PRELID2: variants seen among roughly 807,000 people sequenced by gnomAD.
PRELID2 encodes PRELI domain-containing protein 2.
PRELID2 carries 25 observed loss-of-function variants against 28.4 expected under a neutral mutation model. That is an observed-to-expected ratio of 0.88 (90% CI 0.64 to 1.23). The LOEUF is 1.23. Among genes scored for constraint, PRELID2 ranks in the 50% most tolerant of loss-of-function variants. PRELID2 has a pLI of 0.00. For synonymous variants in PRELID2, 76 were observed against 71.6 expected, an observed-to-expected ratio of 1.06 and a Z score of -0.31; for missense variants, 201 against 214.4, an observed-to-expected ratio of 0.94 and a Z score of 0.39.
chr5:145,514,623 G>A, intron 1 of PRELID2, among the ~76,000 whole-genome samples: 1 of 152,162 alleles, frequency 6.6e-6, no homozygotes, highest in South Asian at 2.1e-4. Flanking sequence ...TTCAGGACTT[G>A]AACTCAGCTC....
intron 1 of PRELID2, among the ~76,000 whole-genome samples, chr5:145,638,250 G>A (rs1036784919): frequency 1.3e-5 from 2 of 152,084 alleles, no homozygotes; most frequent in African/African-American, 2.4e-5. Context: ...CCTAACTTAA[G>A]CTGTTCCATG....
intron 4 of PRELID2, among the ~76,000 whole-genome samples, chr5:145,801,285 T>A (rs998115718): frequency 7.2e-5 from 11 of 152,172 alleles, no homozygotes; most frequent in Admixed American, 4.6e-4. Context: ...TTGCTCTTCA[T>A]TTAAAGTCTT....
At chr5:145,424,619 G>C in the PRELID2 span, among the ~76,000 whole-genome samples, 6 of 152,212 alleles carry the variant, frequency 3.9e-5, no homozygotes, top group Non-Finnish European at 8.8e-5. Context: ...CGCACCCACT[G>C]ACCGGCACTC....
intron 1 of PRELID2, among the ~76,000 whole-genome samples, chr5:145,565,028 G>A (rs2126697287): frequency 6.6e-6 from 1 of 152,322 alleles, no homozygotes; most frequent in South Asian, 2.1e-4. Flanking sequence ...TACCTCAGTT[G>A]GAAATGCAGA....
intron 1 of PRELID2, chr5:145,728,583 A>G: frequency 1.1e-6 from 1 of 890,862 alleles, no homozygotes; most frequent in Admixed American, 1.7e-5. Context: ...GATCATGGCA[A>G]TTAACACATT....
intron 1 of PRELID2, among the ~76,000 whole-genome samples, chr5:145,731,982 G>A (rs1057500691): frequency 1.3e-5 from 2 of 152,214 alleles, no homozygotes; most frequent in Non-Finnish European, 2.9e-5. Context: ...TCCTGGTAAT[G>A]AGCTATACCT....
intron 1 of PRELID2, among the ~76,000 whole-genome samples, chr5:145,649,748 T>A (rs1754257531): frequency 6.6e-6 from 1 of 152,202 alleles, no homozygotes; most frequent in South Asian, 2.1e-4. Context: ...TATTTAGATT[T>A]TTTCATAGTT....
intron 1 of PRELID2, among the ~76,000 whole-genome samples, chr5:145,826,612 T>C (rs970986414): frequency 3.9e-5 from 6 of 152,220 alleles, no homozygotes; most frequent in African/African-American, 1.4e-4. Context: ...CATATGTATG[T>C]AACAGTCTAA....
At chr5:145,577,236 T>A (rs1753068581) in intron 1 of PRELID2, among the ~76,000 whole-genome samples, 1 of 151,870 alleles carries the variant, frequency 6.6e-6, no homozygotes. Context: ...ACAGACAAAA[T>A]AAAGTACCAG....
At chr5:145,736,162 C>A (rs1413515932) in intron 1 of PRELID2, among the ~76,000 whole-genome samples, 2 of 152,208 alleles carry the variant, frequency 1.3e-5, no homozygotes, top group Non-Finnish European at 2.9e-5. Context: ...TTCATTAAAT[C>A]CAGGTCTTTA....
At chr5:145,644,288 G>T (rs1344067935) in intron 1 of PRELID2, among the ~76,000 whole-genome samples, 1 of 152,162 alleles carries the variant, frequency 6.6e-6, no homozygotes, top group African/African-American at 2.4e-5. Flanking sequence ...AGATTTTCCA[G>T]TTTATTGGCG....
At chr5:145,741,802 AAATT>A (rs1383913094) in intron 1 of PRELID2, among the ~76,000 whole-genome samples, 1 of 108,082 alleles carries the variant, frequency 9.3e-6, no homozygotes, top group Non-Finnish European at 1.7e-5. Flanking sequence ...ATTTATATAT[AAATT>A]TATTTATAAA....
chr5:145,617,157 A>T (rs1835974), intron 1 of PRELID2, among the ~76,000 whole-genome samples: 19,662 of 152,146 alleles, frequency 0.13, 1,806 homozygotes, highest in African/African-American at 0.23. Flanking sequence ...CCCAGATTTC[A>T]TATTGTTCAA....
intron 1 of PRELID2, among the ~76,000 whole-genome samples, chr5:145,535,239 C>A (rs1253507068): frequency 6.6e-6 from 1 of 151,844 alleles, no homozygotes; most frequent in Admixed American, 6.6e-5. Context: ...TTCATTTCCA[C>A]CTTATAATTT....
chr5:145,447,302 C>A, the PRELID2 span, among the ~76,000 whole-genome samples: 1 of 151,798 alleles, frequency 6.6e-6, no homozygotes, highest in Non-Finnish European at 1.5e-5. Flanking sequence ...ATTCACCTGG[C>A]TTAACCCAGG....
At chr5:145,498,326 A>G (rs1752325235) in intron 1 of PRELID2, among the ~76,000 whole-genome samples, 1 of 152,190 alleles carries the variant, frequency 6.6e-6, no homozygotes, top group Admixed American at 6.6e-5. Context: ...GCTTAAAAAT[A>G]TGATATATGT....
chr5:145,536,330 C>T (rs1752698207), intron 1 of PRELID2, among the ~76,000 whole-genome samples: 1 of 151,846 alleles, frequency 6.6e-6, no homozygotes, highest in African/African-American at 2.4e-5. Context: ...TTTTAAATTA[C>T]GAGCAGTAGA....
At chr5:145,503,032 G>C (rs1752373286) in intron 1 of PRELID2, among the ~76,000 whole-genome samples, 1 of 152,080 alleles carries the variant, frequency 6.6e-6, no homozygotes, top group Admixed American at 6.5e-5. Context: ...CTTGCCTCTG[G>C]CAGTAGCTTT....
chr5:145,719,491 C>T (rs1467345411), intron 1 of PRELID2, among the ~76,000 whole-genome samples: 1 of 151,336 alleles, frequency 6.6e-6, no homozygotes, highest in Admixed American at 6.6e-5. Flanking sequence ...GTAACTTTCC[C>T]ATTACGAGAG....
Sources: gnomAD v4.1 joint callset for allele counts (sites outside exome capture counted in the v4.1 genomes callset) on GRCh38, gnomAD v4.1.1 for gene constraint, MANE v1.5 for transcripts, NCBI Gene and HGNC (gene_info 2026-07-23, HGNC 2026-07-21) for gene names.